The following CTNNA3 variants were observed in gnomAD, a reference collection of about 807,000 sequenced individuals.
The protein encoded by CTNNA3 is catenin alpha-3.
In CTNNA3, 76 loss-of-function variants were observed where a neutral mutation model predicts 95.7. That is an observed-to-expected ratio of 0.79 (90% CI 0.66 to 0.96). The LOEUF (loss-of-function observed/expected upper bound fraction) is 0.96, where lower values mean the gene tolerates loss of function less well. Ranked by LOEUF, CTNNA3 falls within the 40% of genes least tolerant of loss-of-function variation. The probability of loss-of-function intolerance (pLI) is 0.00; values close to 1 mark genes in which losing one functional copy is unlikely to be tolerated. For missense variants in CTNNA3, 1,191 were observed against 1,089.8 expected, an observed-to-expected ratio of 1.09 and a Z score of -1.31; for synonymous variants, 431 against 374.4, an observed-to-expected ratio of 1.15 and a Z score of -1.74.
At chr10:67,751,337 G>T in intron 1 of CTNNA3, 1 of 715,596 alleles carries the variant, frequency 1.4e-6, no homozygotes, top group South Asian at 1.5e-5. Context: ...AGATCACAGT[G>T]ACTTCGTCCT....
At chr10:66,664,797 T>C (rs76671395) in intron 9 of CTNNA3, among the ~76,000 whole-genome samples, 1 of 151,862 alleles carries the variant, frequency 6.6e-6, no homozygotes, top group East Asian at 1.9e-4. Flanking sequence ...CCTTTCAGGA[T>C]CCTTTGATAA....
At chr10:65,939,619 T>G (rs1362505334) in intron 17 of CTNNA3, among the ~76,000 whole-genome samples, 2 of 152,168 alleles carry the variant, frequency 1.3e-5, no homozygotes, top group Non-Finnish European at 2.9e-5. Context: ...CCTAGCTTAG[T>G]GTAATTTTTT....
intron 5 of CTNNA3, among the ~76,000 whole-genome samples, chr10:67,477,080 G>A (rs1247573882): frequency 6.6e-6 from 1 of 152,094 alleles, no homozygotes; most frequent in African/African-American, 2.4e-5. Context: ...CCTGTGCAGA[G>A]ACTGTGTGGT....
intron 1 of CTNNA3, among the ~76,000 whole-genome samples, chr10:67,755,821 AAG>A (rs1491193760): frequency 1.4e-4 from 21 of 147,698 alleles, no homozygotes; most frequent in Middle Eastern, 3.5e-3. Context: ...AAAAAAAAAA[AAG>A]AAAGAAAGAA....
chr10:66,969,905 C>T (rs1849626105), intron 7 of CTNNA3, among the ~76,000 whole-genome samples: 2 of 152,020 alleles, frequency 1.3e-5, no homozygotes, highest in African/African-American at 2.4e-5. Context: ...CTTAGTGAAA[C>T]AGCATGAAAG....
intron 5 of CTNNA3, among the ~76,000 whole-genome samples, chr10:67,428,416 G>A (rs760748588): frequency 3.9e-5 from 6 of 152,050 alleles, no homozygotes; most frequent in Non-Finnish European, 4.4e-5. Context: ...AATAGAATTA[G>A]AGAGATGTAA....
Position 67,522,113 on chromosome 10 carries a change from T to C in CTNNA3, c.460-152A>G, listed in dbSNP as rs1191880118. ...GCTAGCTAATTATCTTTCAATGAAA[T>C]AATTAGGGACACAGAAAGAGTTATA... On this transcript the variant is annotated intron_variant, in intron 4 of 17. Coordinates refer to ENST00000433211, the MANE Select transcript of CTNNA3 (RefSeq NM_013266.4). 6 of 750,806 alleles carry C rather than the reference T, an allele frequency of 8.0e-6. No individual in the cohort carries two copies. The Admixed American group carries it at 1.5e-4, about 18-fold the overall frequency. 46.5% of individuals were successfully genotyped at this position (750,806 alleles called of 1,614,324 possible). A position where few individuals can be genotyped will look rare whatever the true frequency, so the allele number is the denominator to read the frequency against.
At chr10:66,451,281 T>C (rs1303242446) in intron 11 of CTNNA3, among the ~76,000 whole-genome samples, 2 of 152,196 alleles carry the variant, frequency 1.3e-5, no homozygotes, top group African/African-American at 4.8e-5. Context: ...CAAGACACTT[T>C]TTATGCTTGA....
chr10:67,474,619 T>C (rs1310935878), intron 5 of CTNNA3, among the ~76,000 whole-genome samples: 2 of 152,164 alleles, frequency 1.3e-5, no homozygotes, highest in Non-Finnish European at 2.9e-5. Context: ...CTTTAACAGA[T>C]ACTTCACTAA....
intron 11 of CTNNA3, among the ~76,000 whole-genome samples, chr10:66,502,121 A>C (rs1840297148): frequency 6.6e-6 from 1 of 152,172 alleles, no homozygotes; most frequent in Non-Finnish European, 1.5e-5. Flanking sequence ...AGAAAGTATT[A>C]TTCTATTAGA....
At chr10:66,017,440 G>T (rs187332150) in intron 15 of CTNNA3, among the ~76,000 whole-genome samples, 2 of 152,190 alleles carry the variant, frequency 1.3e-5, no homozygotes, top group South Asian at 2.1e-4. Context: ...TGTTGGAAGA[G>T]ATGACTAAAG....
chr10:67,577,038 G>C (rs981952885), intron 3 of CTNNA3, among the ~76,000 whole-genome samples: 1 of 150,570 alleles, frequency 6.6e-6, no homozygotes, highest in Non-Finnish European at 1.5e-5. Flanking sequence ...CTTTATAGCA[G>C]CATGATTTAT....
intron 7 of CTNNA3, among the ~76,000 whole-genome samples, chr10:67,132,883 A>G (rs1564913060): frequency 6.6e-6 from 1 of 151,992 alleles, no homozygotes; most frequent in Non-Finnish European, 1.5e-5. Flanking sequence ...AGGGACATAG[A>G]AAAAAGGACC....
In CTNNA3 at chr10:66,440,550, C is replaced by T. The variant is rs150560308; in HGVS notation, c.1532-61198G>A. ...TTTTCCTTAGGGCCTCAAGCTCTTACGATGATCAAAATGACCAATCTTTAG... is the reference window on the plus strand; with the variant it reads ...TTTTCCTTAGGGCCTCAAGCTCTTATGATGATCAAAATGACCAATCTTTAG... On this transcript the variant is annotated intron_variant, in intron 11 of 17. Transcript: ENST00000433211. 6.9e-3 allele frequency among the ~76,000 whole-genome samples: 1,057 copies of T among 152,236 alleles called. 9 individuals carry two copies. The highest frequency in any genetic ancestry group is 0.024 in the African/African-American group (1,003 of 41,544).
intron 9 of CTNNA3, among the ~76,000 whole-genome samples, chr10:66,757,922 T>C (rs1437009976): frequency 6.6e-6 from 1 of 152,178 alleles, no homozygotes; most frequent in Admixed American, 6.5e-5. Context: ...ATAATAGTAT[T>C]TATCTCCATC....
chr10:67,146,006 G>A (rs994176286), intron 7 of CTNNA3, among the ~76,000 whole-genome samples: 3 of 152,104 alleles, frequency 2.0e-5, no homozygotes, highest in Non-Finnish European at 4.4e-5. Context: ...GTTGTCAGGT[G>A]TTCCAAGTGT....
At chr10:65,937,081 C>T (rs1387987829) in intron 17 of CTNNA3, among the ~76,000 whole-genome samples, 3 of 151,948 alleles carry the variant, frequency 2.0e-5, no homozygotes, top group Admixed American at 2.0e-4. Flanking sequence ...CAAATCTGTG[C>T]CTATTCCACT....
intron 13 of CTNNA3, among the ~76,000 whole-genome samples, chr10:66,249,850 A>G (rs1589850053): frequency 6.6e-6 from 1 of 152,268 alleles, no homozygotes; most frequent in East Asian, 1.9e-4. Flanking sequence ...CAAACAAACA[A>G]AAACTAAAAA....
intron 5 of CTNNA3, among the ~76,000 whole-genome samples, chr10:67,238,187 T>C (rs1295099676): frequency 6.6e-6 from 1 of 152,090 alleles, no homozygotes; most frequent in Non-Finnish European, 1.5e-5. Context: ...ACAATACACA[T>C]GAATCTAGAC....
Sources: gnomAD v4.1 joint callset for allele counts (sites outside exome capture counted in the v4.1 genomes callset) on GRCh38, gnomAD v4.1.1 for gene constraint, MANE v1.5 for transcripts, NCBI Gene and HGNC (gene_info 2026-07-23, HGNC 2026-07-21) for gene names.